RGS7: variants seen among roughly 807,000 people sequenced by gnomAD.
RGS7 encodes the protein regulator of G-protein signaling 7.
Under a neutral mutation model 81.1 loss-of-function variants are expected in RGS7, and 27 were observed. That is an observed-to-expected ratio of 0.33 (90% CI 0.25 to 0.46). RGS7 has a LOEUF of 0.46. Ranked by LOEUF, RGS7 falls within the 20% of genes least tolerant of loss-of-function variation. The pLI, the probability that RGS7 is intolerant of heterozygous loss-of-function variation, is 1.00. For synonymous variants in RGS7, 208 were observed against 207.7 expected, an observed-to-expected ratio of 1.00 and a Z score of -0.01; for missense variants, 396 against 607.4, an observed-to-expected ratio of 0.65 and a Z score of 3.66.
chr1:240,785,069 A>G (rs1424777049), intron 18 of RGS7, among the ~76,000 whole-genome samples: 1 of 152,198 alleles, frequency 6.6e-6, no homozygotes, highest in Non-Finnish European at 1.5e-5. Context: ...AACCAGGGAT[A>G]GGCAGTGCTC....
chr1:241,099,684 A>G (rs1346125079), intron 2 of RGS7, among the ~76,000 whole-genome samples: 2 of 152,366 alleles, frequency 1.3e-5, no homozygotes, highest in East Asian at 3.9e-4. Context: ...ATGCAGAGAC[A>G]CACAAACATA....
At chr1:241,218,532 T>C (rs1363290714) in intron 2 of RGS7, among the ~76,000 whole-genome samples, 2 of 152,262 alleles carry the variant, frequency 1.3e-5, no homozygotes, top group Non-Finnish European at 2.9e-5. Context: ...CTTGAGCCTG[T>C]GTCAGAATCA....
At chr1:240,912,952 T>C (rs1377069484) in intron 6 of RGS7, among the ~76,000 whole-genome samples, 1 of 152,146 alleles carries the variant, frequency 6.6e-6, no homozygotes, top group Non-Finnish European at 1.5e-5. Flanking sequence ...CCTGCATACT[T>C]ACAGGGAGGA....
chr1:241,049,229 C>G (rs1167634673), intron 3 of RGS7, among the ~76,000 whole-genome samples: 1 of 152,188 alleles, frequency 6.6e-6, no homozygotes, highest in East Asian at 1.9e-4. Context: ...GCAACATCGA[C>G]TTAAATATAT....
intron 18 of RGS7, among the ~76,000 whole-genome samples, chr1:240,780,916 A>T (rs961403612): frequency 6.7e-6 from 1 of 149,900 alleles, no homozygotes; most frequent in Non-Finnish European, 1.5e-5. Context: ...TCTGTCTCAA[A>T]AAAAAAAAAA....
At chr1:241,084,880 T>C (rs2063342130) in intron 3 of RGS7, among the ~76,000 whole-genome samples, 1 of 152,230 alleles carries the variant, frequency 6.6e-6, no homozygotes, top group Non-Finnish European at 1.5e-5. Flanking sequence ...CTATTAACAG[T>C]GCTTGATGAT....
intron 2 of RGS7, among the ~76,000 whole-genome samples, chr1:241,123,108 G>T (rs1261599043): frequency 6.6e-6 from 1 of 152,108 alleles, no homozygotes. Context: ...ACATCAACAG[G>T]GGTGGTGTCA....
At chr1:240,930,874 CTA>C in intron 5 of RGS7, 106 bp from the exon 6 acceptor site, 1 of 1,121,650 alleles carries the variant, frequency 8.9e-7, no homozygotes, top group Non-Finnish European at 1.4e-6. Flanking sequence ...TATTAGTTTG[CTA>C]TATGTTTTAT....
At chr1:241,341,302 T>A (rs377176764) in intron 2 of RGS7, among the ~76,000 whole-genome samples, 1 of 152,130 alleles carries the variant, frequency 6.6e-6, no homozygotes, top group African/African-American at 2.4e-5. Context: ...TTACTCGGTG[T>A]GTTGTGGAAA....
chr1:241,017,585 T>C (rs1572285379), intron 3 of RGS7, among the ~76,000 whole-genome samples: 1 of 152,058 alleles, frequency 6.6e-6, no homozygotes, highest in South Asian at 2.1e-4. Flanking sequence ...AGACATAGAA[T>C]TATAGGTTGG....
intron 4 of RGS7, among the ~76,000 whole-genome samples, 162 bp from the exon 5 acceptor site, chr1:240,936,868 C>T (rs1676720481): frequency 1.3e-5 from 2 of 152,238 alleles, no homozygotes; most frequent in South Asian, 2.1e-4. Flanking sequence ...GATAAACTTC[C>T]TTGTCCCTTC....
chr1:240,777,048 AT>A (rs376593766), intron 18 of RGS7, among the ~76,000 whole-genome samples: 1 of 152,198 alleles, frequency 6.6e-6, no homozygotes, highest in Non-Finnish European at 1.5e-5. Flanking sequence ...TAATCCCAGC[AT>A]TTTGGGAGGC....
intron 4 of RGS7, among the ~76,000 whole-genome samples, chr1:240,966,457 T>A (rs111911345): frequency 0.017 from 2,586 of 152,218 alleles, 36 homozygotes; most frequent in Non-Finnish European, 0.027. Flanking sequence ...TTTCTCTTTA[T>A]GATTTGTACG....
At chr1:241,244,914 A>G (rs10802937) in intron 2 of RGS7, among the ~76,000 whole-genome samples, 85,094 of 146,540 alleles carry the variant, frequency 0.58, 24,982 homozygotes, top group African/African-American at 0.69. Flanking sequence ...CAATGAGAAC[A>G]TATGGACACA....
intron 2 of RGS7, among the ~76,000 whole-genome samples, chr1:241,244,429 T>C (rs767894922): frequency 6.6e-6 from 1 of 152,140 alleles, no homozygotes; most frequent in Non-Finnish European, 1.5e-5. Context: ...CCAGTTAGAA[T>C]GGCGATCATT....
intron 6 of RGS7, among the ~76,000 whole-genome samples, chr1:240,899,783 G>A (rs1375808240): frequency 6.6e-6 from 1 of 152,096 alleles, no homozygotes; most frequent in East Asian, 1.9e-4. Flanking sequence ...CTCTTCTCGA[G>A]GTGTATCTTT....
intron 2 of RGS7, among the ~76,000 whole-genome samples, chr1:241,156,175 TATACATAGAC>T (rs374830498): frequency 8.8e-4 from 133 of 150,788 alleles, no homozygotes; most frequent in African/African-American, 3.1e-3. Context: ...GATAGATACA[TATACATAGAC>T]AGACAGACAG....
intron 2 of RGS7, among the ~76,000 whole-genome samples, chr1:241,207,094 G>A (rs374651513): frequency 0.024 from 3,560 of 147,006 alleles, 140 homozygotes; most frequent in African/African-American, 0.082. Context: ...TCAGCCTCCC[G>A]AGTAGCTGGG....
At chr1:240,938,970 G>A (rs573105111) in intron 4 of RGS7, among the ~76,000 whole-genome samples, 1 of 152,216 alleles carries the variant, frequency 6.6e-6, no homozygotes, top group African/African-American at 2.4e-5. Flanking sequence ...ATTGTGGAAA[G>A]AACAAGAACT....
Sources: allele counts gnomAD v4.1 joint callset (sites outside exome capture counted in the v4.1 genomes callset), GRCh38; gene constraint gnomAD v4.1.1; transcripts MANE v1.5; gene names NCBI Gene and HGNC (gene_info 2026-07-23, HGNC 2026-07-21).